Variants in NRG1 observed in about 807,000 individuals in gnomAD.
The protein encoded by NRG1 is pro-neuregulin-1, membrane-bound isoform.
NRG1 carries 18 observed loss-of-function variants against 63.8 expected under a neutral mutation model. The observed-to-expected ratio is 0.28, with a 90% CI of 0.19 to 0.42. The LOEUF is 0.42. NRG1 is among the 10% of genes least tolerant of loss of function. The pLI is 1.00. For synonymous variants in NRG1, 302 were observed against 301.3 expected (o/e 1.00, Z -0.02); for missense variants, 762 against 814.7 (o/e 0.94, Z 0.79).
At chr8:31,704,450 T>G (rs997199876) in intron 1 of NRG1, among the ~76,000 whole-genome samples, 2 of 152,210 alleles carry the variant, frequency 1.3e-5, no homozygotes, top group Admixed American at 6.5e-5. Context: ...CTAGTGTTTT[T>G]GTATACTCTG....
chr8:32,304,994 G>A (rs1434697566), intron 1 of NRG1, among the ~76,000 whole-genome samples: 3 of 151,932 alleles, frequency 2.0e-5, no homozygotes, highest in Admixed American at 6.6e-5. Flanking sequence ...CAGCCTGGGC[G>A]ACAGAGAGAG....
chr8:32,591,962 A>G (rs1842605255), intron 1 of NRG1, among the ~76,000 whole-genome samples: 1 of 152,094 alleles, frequency 6.6e-6, no homozygotes, highest in African/African-American at 2.4e-5. Flanking sequence ...AAAGAAAAAA[A>G]AGAAAAAAGA....
At chr8:32,017,524 A>T (rs1197446174) in intron 1 of NRG1, among the ~76,000 whole-genome samples, 1 of 152,038 alleles carries the variant, frequency 6.6e-6, no homozygotes, top group African/African-American at 2.4e-5. Context: ...TCAGTCCCAC[A>T]AGACCACCGT....
At chr8:31,703,977 C>T (rs1810879748) in intron 1 of NRG1, among the ~76,000 whole-genome samples, 1 of 152,204 alleles carries the variant, frequency 6.6e-6, no homozygotes, top group Admixed American at 6.5e-5. Context: ...GATGTGCTAG[C>T]ATTCTAGGGT....
intron 5 of NRG1, among the ~76,000 whole-genome samples, chr8:32,705,636 G>T (rs13256810): frequency 6.6e-6 from 1 of 152,138 alleles, no homozygotes; most frequent in African/African-American, 2.4e-5. Flanking sequence ...TTCGAATCAG[G>T]ATACTTGAAA....
At chr8:32,313,975 T>C (rs1857094484) in intron 1 of NRG1, among the ~76,000 whole-genome samples, 1 of 152,212 alleles carries the variant, frequency 6.6e-6, no homozygotes, top group Non-Finnish European at 1.5e-5. Context: ...ACACTACTTT[T>C]GGCACCTCCC....
chr8:32,666,437 G>T lies in NRG1; in HGVS notation c.502+49552G>T, dbSNP rs188835101. ...ATTCCATTTAGATCCATTGAATTTT[G>T]CCTTTCATTTTCAAACTTGCAAATA... On this transcript the variant is annotated intron_variant, in intron 5 of 11. Coordinates refer to ENST00000356819, the Ensembl canonical transcript of NRG1. Among the ~76,000 whole-genome samples the T allele has an allele frequency of 3.0e-3, 458 of 152,070 alleles. 3 individuals carry two copies. Among genetic ancestry groups the T allele is most frequent in the African/African-American group, 0.01 (429 of 41,486 alleles).
chr8:32,192,388 C>A (rs961262014), intron 1 of NRG1, among the ~76,000 whole-genome samples: 1 of 152,044 alleles, frequency 6.6e-6, no homozygotes, highest in African/African-American at 2.4e-5. Context: ...TACGTATACA[C>A]CATGTAATAC....
intron 1 of NRG1, among the ~76,000 whole-genome samples, chr8:32,568,340 C>T (rs1158945309): frequency 2.0e-5 from 3 of 152,180 alleles, no homozygotes; most frequent in African/African-American, 7.2e-5. Flanking sequence ...TTATGCTTTA[C>T]ACTGTGGATT....
intron 1 of NRG1, among the ~76,000 whole-genome samples, chr8:32,101,283 T>G (rs1348908397): frequency 6.6e-6 from 1 of 152,136 alleles, no homozygotes; most frequent in Non-Finnish European, 1.5e-5. Context: ...TTTCAGTACC[T>G]GGGGCTCACA....
At chr8:31,853,511 G>C (rs1377751002) in intron 1 of NRG1, among the ~76,000 whole-genome samples, 12 of 150,126 alleles carry the variant, frequency 8.0e-5, no homozygotes, top group Non-Finnish European at 1.8e-4. Flanking sequence ...GAGATTTTGG[G>C]CTGAGACGAT....
At chr8:31,879,206 G>A (rs1830160095) in intron 1 of NRG1, among the ~76,000 whole-genome samples, 1 of 152,164 alleles carries the variant, frequency 6.6e-6, no homozygotes, top group African/African-American at 2.4e-5. Context: ...GTTAGGTGGA[G>A]GGGATGAGTT....
At chr8:32,442,562 C>T (rs1032487064) in intron 1 of NRG1, 6 of 152,140 alleles carry the variant, frequency 3.9e-5, no homozygotes, top group African/African-American at 1.2e-4. Context: ...CTGAGATATT[C>T]GAAAGTCCAG....
intron 1 of NRG1, among the ~76,000 whole-genome samples, chr8:32,163,099 T>A (rs919335511): frequency 6.6e-6 from 1 of 152,166 alleles, no homozygotes; most frequent in African/African-American, 2.4e-5. Flanking sequence ...GATCAATGAA[T>A]CATATTTATC....
At chr8:32,149,365 G>T (rs1444590017) in intron 1 of NRG1, among the ~76,000 whole-genome samples, 1 of 152,062 alleles carries the variant, frequency 6.6e-6, no homozygotes, top group Non-Finnish European at 1.5e-5. Flanking sequence ...TGCACCCTCG[G>T]ATGTCTGGCC....
intron 1 of NRG1, among the ~76,000 whole-genome samples, chr8:32,287,809 G>A (rs969641884): frequency 6.6e-6 from 1 of 152,098 alleles, no homozygotes; most frequent in African/African-American, 2.4e-5. Context: ...CCTTTTATGT[G>A]TTGCTTAATT....
At chr8:32,734,682 C>T (rs2129027602) in intron 6 of NRG1, among the ~76,000 whole-genome samples, 1 of 152,232 alleles carries the variant, frequency 6.6e-6, no homozygotes, top group Non-Finnish European at 1.5e-5. Context: ...CTACTATGTG[C>T]TTATGAGGAA....
intron 1 of NRG1, among the ~76,000 whole-genome samples, chr8:32,121,399 G>T (rs978897983): frequency 3.4e-5 from 1 of 29,828 alleles, no homozygotes; most frequent in Non-Finnish European, 1.3e-4. Context: ...CTGGGAAATC[G>T]TGTGTGTGTG....
chr8:31,694,671 C>T (rs932001495), intron 1 of NRG1, among the ~76,000 whole-genome samples: 1 of 152,092 alleles, frequency 6.6e-6, no homozygotes. Context: ...TGACCTAGAG[C>T]CAATGGGGCA....
Sources: gnomAD v4.1 joint callset for allele counts (sites outside exome capture counted in the v4.1 genomes callset) on GRCh38, gnomAD v4.1.1 for gene constraint, MANE v1.5 for transcripts, NCBI Gene and HGNC (gene_info 2026-07-23, HGNC 2026-07-21) for gene names.